Variants in ZSWIM6 observed in about 807,000 individuals in gnomAD.
The protein encoded by ZSWIM6 is zinc finger SWIM domain-containing protein 6.
Under a neutral mutation model 113.2 loss-of-function variants are expected in ZSWIM6, and 9 were observed. That is an observed-to-expected ratio of 0.08 (90% CI 0.05 to 0.14). The LOEUF is 0.14. ZSWIM6 is among the 10% of genes least tolerant of loss of function. The pLI, the probability that ZSWIM6 is intolerant of heterozygous loss-of-function variation, is 1.00. For synonymous variants in ZSWIM6, 611 were observed against 606.5 expected (o/e 1.01, Z -0.11); for missense variants, 1,162 against 1,552.2 (o/e 0.75, Z 4.22).
intron 2 of ZSWIM6, among the ~76,000 whole-genome samples, chr5:61,489,936 T>G (rs554757072): frequency 6.6e-6 from 1 of 151,982 alleles, no homozygotes; most frequent in Non-Finnish European, 1.5e-5. Context: ...ACAAGAAAAG[T>G]AATACAAAAC....
chr5:61,396,164 A>G (rs78589341), intron 1 of ZSWIM6, among the ~76,000 whole-genome samples: 21,500 of 152,132 alleles, frequency 0.14, 1,633 homozygotes, highest in Non-Finnish European at 0.17. Context: ...TTTCTTTATC[A>G]CCTTCATCTT....
intron 1 of ZSWIM6, among the ~76,000 whole-genome samples, chr5:61,353,749 A>AT (rs1293379639): frequency 6.6e-6 from 1 of 151,844 alleles, no homozygotes; most frequent in Non-Finnish European, 1.5e-5. Context: ...CAGTCACAAC[A>AT]TTTAGTGACA....
intron 1 of ZSWIM6, among the ~76,000 whole-genome samples, chr5:61,351,592 C>T (rs1357207697): frequency 1.3e-5 from 2 of 152,180 alleles, no homozygotes; most frequent in Admixed American, 6.5e-5. Context: ...TTATTATGAA[C>T]TCAAATCTTA....
chr5:61,405,886 A>G (rs17337333), intron 1 of ZSWIM6, among the ~76,000 whole-genome samples: 3,197 of 152,348 alleles, frequency 0.021, 112 homozygotes, highest in Admixed American at 0.092. Flanking sequence ...TATATTTCAG[A>G]ATCTTAAAAT....
At chr5:61,483,800 C>A (rs773188837) in intron 2 of ZSWIM6, among the ~76,000 whole-genome samples, 1 of 151,300 alleles carries the variant, frequency 6.6e-6, no homozygotes. Context: ...TAGCATGAAC[C>A]CAGGAGGCAG....
At chr5:61,465,220 A>T (rs189805068) in intron 1 of ZSWIM6, among the ~76,000 whole-genome samples, 3 of 152,166 alleles carry the variant, frequency 2.0e-5, no homozygotes, top group Admixed American at 2.0e-4. Context: ...AAATAATTCA[A>T]ATTCCACCAA....
intron 4 of ZSWIM6, 48 bp downstream of exon 4, chr5:61,494,458 T>C (rs1242723863): frequency 1.3e-6 from 2 of 1,544,446 alleles, no homozygotes; most frequent in Non-Finnish European, 8.8e-7. Flanking sequence ...TATGGATAAA[T>C]ACCATAGTCA....
chr5:61,509,197 T>G (rs973154638), intron 4 of ZSWIM6, among the ~76,000 whole-genome samples: 11 of 152,226 alleles, frequency 7.2e-5, no homozygotes, highest in African/African-American at 2.2e-4. Context: ...TTATACATTT[T>G]CATTTTTCAT....
At chr5:61,407,544 A>G (rs1307334424) in intron 1 of ZSWIM6, among the ~76,000 whole-genome samples, 1 of 152,188 alleles carries the variant, frequency 6.6e-6, no homozygotes, top group East Asian at 1.9e-4. Flanking sequence ...TCATGTCACA[A>G]AGAGCTAATT....
chr5:61,437,409 T>C (rs1484017404), intron 1 of ZSWIM6, among the ~76,000 whole-genome samples: 5 of 152,116 alleles, frequency 3.3e-5, no homozygotes, highest in African/African-American at 1.2e-4. Flanking sequence ...AGCCAATAGT[T>C]GGCATTAGAC....
intron 1 of ZSWIM6, among the ~76,000 whole-genome samples, chr5:61,420,506 T>A (rs1746333893): frequency 6.6e-6 from 1 of 151,790 alleles, no homozygotes; most frequent in Admixed American, 6.6e-5. Flanking sequence ...TTTTTTTTGA[T>A]ATCACAGTGA....
intron 1 of ZSWIM6, among the ~76,000 whole-genome samples, chr5:61,413,372 A>T (rs899155855): frequency 3.3e-5 from 5 of 152,066 alleles, no homozygotes; most frequent in Middle Eastern, 3.4e-3. Context: ...TTATGGCTGC[A>T]TAGTATTCCA....
intron 4 of ZSWIM6, among the ~76,000 whole-genome samples, chr5:61,496,382 G>A (rs1748315678): frequency 6.6e-6 from 1 of 152,118 alleles, no homozygotes; most frequent in Admixed American, 6.6e-5. Flanking sequence ...ACAGTAAGTA[G>A]CACATCTTAA....
At chr5:61,336,802 A>G (rs932952463) in intron 1 of ZSWIM6, among the ~76,000 whole-genome samples, 7 of 152,242 alleles carry the variant, frequency 4.6e-5, no homozygotes, top group African/African-American at 1.4e-4. Context: ...TGAAAACACT[A>G]CAAATCAAAT....
At chr5:61,349,892 C>G (rs1215350560) in intron 1 of ZSWIM6, among the ~76,000 whole-genome samples, 1 of 152,152 alleles carries the variant, frequency 6.6e-6, no homozygotes, top group East Asian at 1.9e-4. Context: ...CTCTCCCTCT[C>G]ACAGATGATA....
At chr5:61,536,007 G>A (rs1288343580) in intron 10 of ZSWIM6, among the ~76,000 whole-genome samples, 1 of 152,184 alleles carries the variant, frequency 6.6e-6, no homozygotes, top group Non-Finnish European at 1.5e-5. Context: ...AATTGAGGGA[G>A]ACCTTCACAC....
chr5:61,341,029 C>CT (rs1425466227), intron 1 of ZSWIM6, among the ~76,000 whole-genome samples: 1 of 152,238 alleles, frequency 6.6e-6, no homozygotes, highest in Non-Finnish European at 1.5e-5. Context: ...CATTGTGTCA[C>CT]TATGTCATTG....
chr5:61,482,518 C>G (rs921826574), intron 2 of ZSWIM6, among the ~76,000 whole-genome samples: 1 of 152,140 alleles, frequency 6.6e-6, no homozygotes, highest in Non-Finnish European at 1.5e-5. Flanking sequence ...CTTAGCATTA[C>G]AGTTAAATAC....
intron 4 of ZSWIM6, among the ~76,000 whole-genome samples, chr5:61,508,253 A>C (rs1421663220): frequency 1.3e-5 from 2 of 152,216 alleles, no homozygotes; most frequent in Non-Finnish European, 2.9e-5. Flanking sequence ...TAAGTGGAGC[A>C]ATCTTTGCAC....
Sources: allele counts gnomAD v4.1 joint callset (sites outside exome capture counted in the v4.1 genomes callset), GRCh38; gene constraint gnomAD v4.1.1; transcripts MANE v1.5; gene names NCBI Gene and HGNC (gene_info 2026-07-23, HGNC 2026-07-21).